SMG7: variants seen among roughly 807,000 people sequenced by gnomAD.
SMG7 encodes nonsense-mediated mRNA decay factor SMG7.
A neutral mutation model predicts 148.2 loss-of-function variants in SMG7; 34 were observed. That is an observed-to-expected ratio of 0.23 (90% confidence interval 0.17 to 0.31). The LOEUF is 0.31. Ranked by LOEUF, SMG7 falls within the 10% of genes least tolerant of loss-of-function variation. The pLI is 1.00. For synonymous variants in SMG7, 492 were observed against 515.1 expected, an observed-to-expected ratio of 0.96 and a Z score of 0.61; for missense variants, 1,114 against 1,408.4, an observed-to-expected ratio of 0.79 and a Z score of 3.35.
In SMG7 at chr1:183,539,917, A is replaced by G. The variant is rs141760943; in HGVS notation, c.1296-1067A>G. Reference sequence around the variant, plus strand: ...GTTTCTACACTGCCTATAGTTTTTAAGTATGGAAATAGTGATGTTGCATGA... The same window carrying G: ...GTTTCTACACTGCCTATAGTTTTTAGGTATGGAAATAGTGATGTTGCATGA... On this transcript the variant is annotated intron_variant, in intron 12 of 22. Coordinates refer to ENST00000688051, the MANE Select transcript of SMG7 (RefSeq NM_001375584.1). 1.6e-3 allele frequency among the ~76,000 whole-genome samples: 247 copies of G among 152,278 alleles called. 2 individuals carry two copies. The highest frequency in any genetic ancestry group is 5.7e-3 in the African/African-American group (238 of 41,562).
chr1:183,473,922 G>A (rs1651427865), intron 1 of SMG7: 12 of 974,076 alleles, frequency 1.2e-5, no homozygotes, highest in Non-Finnish European at 1.5e-5. Context: ...TGATACATAG[G>A]GTGGCCATTA....
chr1:183,531,487 T>G (rs981537222), intron 8 of SMG7, among the ~76,000 whole-genome samples: 2 of 152,166 alleles, frequency 1.3e-5, no homozygotes, highest in African/African-American at 4.8e-5. Context: ...ACTGAATAAC[T>G]TCAACCTTAT....
Position 183,545,328 on chromosome 1 carries a change from G to C in SMG7, c.2370+16G>C. ...ATTCCAGCAGGTAAGTTACAGTTGT[G>C]TGTACTATCCAGCTGAATGAAATAA... On this transcript the variant is annotated intron_variant, in intron 16 of 22. Transcript: ENST00000688051. 1 of 1,603,360 alleles carries C rather than the reference G, an allele frequency of 6.2e-7. No individual in the cohort carries two copies.
Position 183,517,523 on chromosome 1 carries a change from T to C in SMG7, c.180-165T>C, listed in dbSNP as rs147898956. 458 of 703,282 alleles carry C rather than the reference T, an allele frequency of 6.5e-4. 3 individuals are homozygous for C. In the African/African-American group the frequency reaches 7.3e-3, roughly 11 times the overall value. The allele number at this position is 703,282 out of a possible 1,614,324, so 43.6% of individuals were successfully genotyped here. On this transcript the variant is annotated intron_variant, in intron 3 of 22. Transcript: ENST00000688051. ...GGATTCTACTGCATGTCTAGTCTTG[T>C]TCAAAGGGAAGCATAAAGTTATTTA...
rs1223398351 is a variant in SMG7, at chr1:183,527,372, G to C, written c.485-584G>C. On this transcript the variant is annotated intron_variant, in intron 5 of 22. Transcript: ENST00000688051. The surrounding 1 kb of genome is among the most constrained non-coding windows in gnomAD (Gnocchi z 4.0). ...GGAGAACATTACTGCTTTTAAGTTTGAAATTTTAGATTTCTTAATATTGTA... is the reference window on the plus strand; with the variant it reads ...GGAGAACATTACTGCTTTTAAGTTTCAAATTTTAGATTTCTTAATATTGTA... Among the ~76,000 whole-genome samples the C allele has an allele frequency of 6.6e-6, 1 of 152,144 alleles. No homozygotes were observed. The highest frequency in any genetic ancestry group is 1.5e-5 in the Non-Finnish European group (1 of 68,022).
intron 17 of SMG7, 67 bp downstream of exon 17, chr1:183,546,404 C>T: frequency 6.7e-7 from 1 of 1,498,406 alleles, no homozygotes; most frequent in South Asian, 1.3e-5. Context: ...TTTTGAATAT[C>T]TCAAATAGAT....
At chr1:183,511,251 G>T (rs1307501606) in intron 1 of SMG7, among the ~76,000 whole-genome samples, 1 of 152,102 alleles carries the variant, frequency 6.6e-6, no homozygotes, top group Non-Finnish European at 1.5e-5. Context: ...TGTGTGCAAG[G>T]TGCTGTGCTA....
intron 1 of SMG7, among the ~76,000 whole-genome samples, chr1:183,500,250 T>A (rs1659445842): frequency 6.6e-6 from 1 of 152,150 alleles, no homozygotes; most frequent in Non-Finnish European, 1.5e-5. Context: ...CTGTATATAT[T>A]ATATAGATTC....
At chr1:183,522,440 A>T (rs1272397706) in intron 4 of SMG7, among the ~76,000 whole-genome samples, 2 of 152,220 alleles carry the variant, frequency 1.3e-5, no homozygotes, top group Non-Finnish European at 2.9e-5. Context: ...TGAGAATTAA[A>T]GTAAGATTTA....
chr1:183,490,074 G>A lies in SMG7; in HGVS notation c.29+17425G>A, dbSNP rs79636302. On this transcript the variant is annotated intron_variant, in intron 1 of 22. Transcript: ENST00000688051. ...TAGTTTTTGAAAAAACACTGGTAAA[G>A]TATGGTATTGAGTACTGAGAGTTTG... 7.3e-3 allele frequency among the ~76,000 whole-genome samples: 1,113 copies of A among 152,318 alleles called. 10 individuals are homozygous for A. Among genetic ancestry groups the A allele is most frequent in the Non-Finnish European group, 0.012 (849 of 68,030 alleles).
chr1:183,548,418 A>AGTTCCT (rs1355488724), intron 18 of SMG7, among the ~76,000 whole-genome samples: 1 of 152,038 alleles, frequency 6.6e-6, no homozygotes, highest in Admixed American at 6.6e-5. Flanking sequence ...CTAATCCCTT[A>AGTTCCT]GTTCCTGTTC....
intron 1 of SMG7, chr1:183,472,851 C>T (rs983435780): frequency 4.7e-6 from 2 of 421,430 alleles, no homozygotes; most frequent in Non-Finnish European, 8.1e-6. Context: ...CCGGGCTGAG[C>T]TCTGGCGAAG....
At chr1:183,535,782 C>T (rs1572040438) in intron 10 of SMG7, among the ~76,000 whole-genome samples, 1 of 152,118 alleles carries the variant, frequency 6.6e-6, no homozygotes, top group East Asian at 1.9e-4. Flanking sequence ...AGGTAATCCA[C>T]TCATGCGCTT....
intron 1 of SMG7, among the ~76,000 whole-genome samples, chr1:183,499,897 C>T (rs1162663701): frequency 1.3e-5 from 2 of 152,114 alleles, no homozygotes; most frequent in African/African-American, 2.4e-5. Context: ...TATGTGCAAG[C>T]ATCTGATTAC....
chr1:183,516,046 A>G, intron 3 of SMG7, 55 bp downstream of exon 3: 4 of 1,059,970 alleles, frequency 3.8e-6, no homozygotes, highest in Non-Finnish European at 5.7e-6. Context: ...TTTCACCGAG[A>G]CTTTAAAACA....
At chr1:183,487,480 G>A (rs1338038025) in intron 1 of SMG7, among the ~76,000 whole-genome samples, 2 of 152,146 alleles carry the variant, frequency 1.3e-5, no homozygotes, top group African/African-American at 4.8e-5. Flanking sequence ...AAGGTTCTGG[G>A]ATTAGGATGT....
Position 183,546,036 on chromosome 1 carries a change from T to G in SMG7, c.2441T>G (p.Met814Arg). 2 of 1,614,068 alleles carry G rather than the reference T, an allele frequency of 1.2e-6. No homozygotes were observed. The highest frequency in any genetic ancestry group is 1.7e-6 in the Non-Finnish European group (2 of 1,179,966). Residue 814 changes from methionine (M) to arginine (R), a missense_variant, in exon 17 of 23, where the codon ATG becomes AGG. This residue lies in a region of SMG7 where 788 missense variants were observed against 894.5 expected (regional missense o/e 0.88). Transcript: ENST00000688051. The part of the protein sequence containing the change: ...PQVQGPLGKI[M>R]PVKQPYYLQT... ...GTTCAAGGCCCATTAGGGAAAATTA[T>G]GCCTGTGAAACAGCCCTACTACCTT...
intron 1 of SMG7, among the ~76,000 whole-genome samples, chr1:183,510,104 A>G (rs1012531987): frequency 1.4e-4 from 22 of 152,308 alleles, no homozygotes; most frequent in African/African-American, 5.3e-4. Flanking sequence ...CTTTAGATGC[A>G]GTATATATCC....
intron 1 of SMG7, among the ~76,000 whole-genome samples, chr1:183,506,445 C>T (rs1006499495): frequency 6.6e-6 from 1 of 151,914 alleles, no homozygotes; most frequent in Non-Finnish European, 1.5e-5. Context: ...ATTAATATTG[C>T]GAGACTTGAT....
Sources: allele counts gnomAD v4.1 joint callset (sites outside exome capture counted in the v4.1 genomes callset), GRCh38; gene constraint gnomAD v4.1.1; regional missense constraint gnomAD v4.1.1; non-coding constraint Gnocchi (gnomAD v3.1); transcripts MANE v1.5; gene names NCBI Gene and HGNC (gene_info 2026-07-23, HGNC 2026-07-21).